GALNT13: variants seen among roughly 807,000 people sequenced by gnomAD.
GALNT13 encodes the protein UDP-GalNAc:polypeptide N-acetylgalactosaminyltransferase 13.
In GALNT13, 28 loss-of-function variants were observed where a neutral mutation model predicts 64.2. The ratio of observed to expected loss-of-function variants is 0.44; its 90% confidence interval spans 0.32 to 0.60. The LOEUF is 0.60. GALNT13 is among the 20% of genes least tolerant of loss of function. The probability of loss-of-function intolerance (pLI) is 0.05; values close to 1 mark genes in which losing one functional copy is unlikely to be tolerated. For missense variants in GALNT13, 577 were observed against 669.8 expected (o/e 0.86, Z 1.53); for synonymous variants, 214 against 224.6 (o/e 0.95, Z 0.42).
chr2:153,650,119 A>G, the GALNT13 span, among the ~76,000 whole-genome samples: 9 of 152,130 alleles, frequency 5.9e-5, no homozygotes, highest in Admixed American at 1.3e-4. Context: ...GTAGTTCTCT[A>G]AGGACTTGCT....
intron 4 of GALNT13, among the ~76,000 whole-genome samples, chr2:154,209,902 AC>A (rs1687672092): frequency 6.6e-6 from 1 of 152,176 alleles, no homozygotes; most frequent in African/African-American, 2.4e-5. Context: ...TCTAAAATAT[AC>A]CTTATTTAAC....
the GALNT13 span, among the ~76,000 whole-genome samples, chr2:153,677,284 TACAC>T: frequency 0.038 from 5,507 of 144,694 alleles, 281 homozygotes; most frequent in African/African-American, 0.12. Flanking sequence ...ACAATAGACA[TACAC>T]ACACACACAC....
chr2:154,391,901 GA>G (rs1698811696), intron 9 of GALNT13, among the ~76,000 whole-genome samples: 2 of 152,148 alleles, frequency 1.3e-5, no homozygotes, highest in Non-Finnish European at 2.9e-5. Flanking sequence ...ACAGACCTAG[GA>G]AGATGAGAGA....
At chr2:154,433,635 T>A (rs1363172069) in intron 11 of GALNT13, among the ~76,000 whole-genome samples, 1 of 151,840 alleles carries the variant, frequency 6.6e-6, no homozygotes, top group Non-Finnish European at 1.5e-5. Context: ...TTAGGCCCAA[T>A]GTGAAGAAGG....
the GALNT13 span, among the ~76,000 whole-genome samples, chr2:153,357,658 GT>G: frequency 8.5e-5 from 13 of 152,242 alleles, no homozygotes; most frequent in Admixed American, 2.0e-4. Context: ...GGGTATGGAA[GT>G]GGAGTCTTCA....
the GALNT13 span, among the ~76,000 whole-genome samples, chr2:153,218,278 C>T: frequency 2.0e-5 from 3 of 152,150 alleles, no homozygotes; most frequent in African/African-American, 4.8e-5. Context: ...GAGAAATTCT[C>T]TGTTGTTCTG....
the GALNT13 span, among the ~76,000 whole-genome samples, chr2:153,246,492 T>G: frequency 1.3e-5 from 2 of 152,204 alleles, no homozygotes; most frequent in East Asian, 3.8e-4. Flanking sequence ...GGGGCTAATA[T>G]TCAACATTCT....
chr2:153,313,796 T>C, the GALNT13 span, among the ~76,000 whole-genome samples: 437 of 152,360 alleles, frequency 2.9e-3, no homozygotes, highest in African/African-American at 9.3e-3. Context: ...TTAACACTTA[T>C]GTAACACTTA....
chr2:153,630,198 C>T, the GALNT13 span, among the ~76,000 whole-genome samples: 5,011 of 151,952 alleles, frequency 0.033, 116 homozygotes, highest in Middle Eastern at 0.075. Flanking sequence ...CACATGCACA[C>T]GTATGTTTAT....
At chr2:154,430,854 A>G (rs1210840747) in intron 11 of GALNT13, among the ~76,000 whole-genome samples, 1 of 152,222 alleles carries the variant, frequency 6.6e-6, no homozygotes, top group Admixed American at 6.5e-5. Flanking sequence ...CCATCAGCAG[A>G]AATATTACCA....
intron 10 of GALNT13, among the ~76,000 whole-genome samples, chr2:154,396,418 A>G (rs986557000): frequency 1.3e-5 from 2 of 152,166 alleles, no homozygotes; most frequent in East Asian, 3.8e-4. Context: ...CCTTTTGTTC[A>G]TGTGGGTTAC....
At chr2:153,704,879 C>T in the GALNT13 span, among the ~76,000 whole-genome samples, 3 of 152,078 alleles carry the variant, frequency 2.0e-5, no homozygotes, top group African/African-American at 7.2e-5. Flanking sequence ...ATAAGCAGAT[C>T]CCAGAGGACT....
the GALNT13 span, among the ~76,000 whole-genome samples, chr2:153,685,511 G>A: frequency 6.6e-6 from 1 of 151,806 alleles, no homozygotes; most frequent in Non-Finnish European, 1.5e-5. Context: ...AAATGGGGTT[G>A]TTTATTTTTT....
chr2:153,872,575 C>G (rs1015934537), intron 1 of GALNT13, among the ~76,000 whole-genome samples: 2 of 146,344 alleles, frequency 1.4e-5, no homozygotes, highest in African/African-American at 5.1e-5. Context: ...CCGCCGCCCA[C>G]CTTCTGCTCT....
intron 3 of GALNT13, among the ~76,000 whole-genome samples, chr2:154,022,612 G>T (rs539366800): frequency 6.6e-6 from 1 of 152,100 alleles, no homozygotes; most frequent in Non-Finnish European, 1.5e-5. Flanking sequence ...CTTGCTAGCG[G>T]TCTATCAATT....
At chr2:153,489,834 T>C in the GALNT13 span, among the ~76,000 whole-genome samples, 1 of 152,126 alleles carries the variant, frequency 6.6e-6, no homozygotes, top group Non-Finnish European at 1.5e-5. Context: ...AAAGTAAAAT[T>C]TCTTAGCATG....
At chr2:154,293,912 T>C (rs1480390485) in intron 8 of GALNT13, among the ~76,000 whole-genome samples, 3 of 152,334 alleles carry the variant, frequency 2.0e-5, no homozygotes, top group Middle Eastern at 6.8e-3. Flanking sequence ...ATAAGTTAAA[T>C]GTTTTATTCT....
At chr2:153,998,428 G>T (rs994918175) in intron 3 of GALNT13, among the ~76,000 whole-genome samples, 1 of 152,086 alleles carries the variant, frequency 6.6e-6, no homozygotes, top group Non-Finnish European at 1.5e-5. Flanking sequence ...TTTGTTGACA[G>T]CATAAAGGTC....
chr2:153,811,816 G>A, the GALNT13 span, among the ~76,000 whole-genome samples: 3 of 152,160 alleles, frequency 2.0e-5, no homozygotes, highest in South Asian at 6.2e-4. Context: ...AGGCTCAGCT[G>A]CTCTGGGGAA....
Sources: gnomAD v4.1 joint callset for allele counts (sites outside exome capture counted in the v4.1 genomes callset) on GRCh38, gnomAD v4.1.1 for gene constraint, MANE v1.5 for transcripts, NCBI Gene and HGNC (gene_info 2026-07-23, HGNC 2026-07-21) for gene names.